CALCRL: variants seen among roughly 807,000 people sequenced by gnomAD.
CALCRL encodes calcitonin gene-related peptide type 1 receptor.
In CALCRL, 27 loss-of-function variants were observed where a neutral mutation model predicts 60.4. The observed-to-expected ratio is 0.45, with a 90% confidence interval of 0.33 to 0.62. The LOEUF (loss-of-function observed/expected upper bound fraction) is 0.62. Ranked by LOEUF, CALCRL falls within the 20% of genes least tolerant of loss-of-function variation. The probability of loss-of-function intolerance (pLI) is 0.03; values close to 1 mark genes in which losing one functional copy is unlikely to be tolerated. For missense variants in CALCRL, 424 were observed against 540.7 expected (o/e 0.78, Z 2.14); for synonymous variants, 190 against 182.6 (o/e 1.04, Z -0.33).
intron 1 of CALCRL, among the ~76,000 whole-genome samples, chr2:187,405,960 GGTGTGTGT>G (rs3079520): frequency 7.1e-4 from 104 of 146,708 alleles, no homozygotes; most frequent in Middle Eastern, 6.9e-3. Context: ...TGTATGTAGG[GGTGTGTGT>G]GTGTGTGTGT....
intron 3 of CALCRL, 118 bp from the exon 4 acceptor site, chr2:187,385,749 AT>A: frequency 1.6e-6 from 1 of 639,482 alleles, no homozygotes; most frequent in Non-Finnish European, 2.7e-6. Context: ...TACTTTAAAG[AT>A]TTGATAAATC....
In CALCRL at chr2:187,344,911, T is replaced by C. The variant is rs1686216074; in HGVS notation, c.*1273A>G. ...TCTGGATTAGAATGTGAGTTCATTGTCAAAATGAAAAAAGAAATATGTCAA... is the reference window on the plus strand; with the variant it reads ...TCTGGATTAGAATGTGAGTTCATTGCCAAAATGAAAAAAGAAATATGTCAA... On this transcript the variant is annotated 3_prime_UTR_variant, in exon 15 of 15. Transcript: ENST00000392370. 6.6e-6 allele frequency: 1 copy of C among 151,664 alleles called. No homozygotes were observed. The highest frequency in any genetic ancestry group is 2.4e-5 in the African/African-American group (1 of 41,374). The allele number at this position is 151,664 out of a possible 1,614,324, so 9.4% of individuals were successfully genotyped here. A position where few individuals can be genotyped will look rare whatever the true frequency, so the allele number is the denominator to read the frequency against.
At chr2:187,377,819 G>A (rs77103700) in intron 8 of CALCRL, among the ~76,000 whole-genome samples, 1,949 of 152,036 alleles carry the variant, frequency 0.013, 45 homozygotes, top group African/African-American at 0.043. Context: ...CATATAAAGT[G>A]CTAATGATAA....
In CALCRL at chr2:187,427,312, A is replaced by G. The variant is rs928280788; in HGVS notation, c.-293+20727T>C. On this transcript the variant is annotated intron_variant, in intron 1 of 14. Transcript: ENST00000392370. ...TATGTGGTAAGGGTATGGATAACTC[A>G]CTTCATAGGTCCTTGGTCTAGGGAA... Among the ~76,000 whole-genome samples, 13 of 152,188 alleles carry G rather than the reference A, an allele frequency of 8.5e-5. 1 individual carries two copies. Among genetic ancestry groups the G allele is most frequent in the African/African-American group, 2.4e-5 (1 of 41,454 alleles).
Position 187,346,116 on chromosome 2 carries a change from C to T in CALCRL, c.*68G>A. 1.1e-6 allele frequency: 1 copy of T among 939,206 alleles called. No individual in the cohort carries two copies. 58.2% of individuals were successfully genotyped at this position (939,206 alleles called of 1,614,324 possible). On this transcript the variant is annotated 3_prime_UTR_variant, in exon 15 of 15. Transcript: ENST00000392370. ...ATTTAATATTGAAGTCTTCTGGCTA[C>T]AGAGTCATGGGTCCAAGTCCTTGAG...
rs144377630 is a variant in CALCRL, at chr2:187,393,221, G to C, written c.-292-5465C>G. ...AAAATGGCCAGGCCCCACAAAGGAC[G>C]CTCTGGAACAGAACCTTTTGGAGAA... On this transcript the variant is annotated intron_variant, in intron 1 of 14. Transcript: ENST00000392370. 4.6e-5 allele frequency among the ~76,000 whole-genome samples: 7 copies of C among 152,146 alleles called. No individual in the cohort carries two copies. In the East Asian group the frequency reaches 1.4e-3, roughly 29 times the overall value.
chr2:187,410,167 T>C (rs1395552640), intron 1 of CALCRL, among the ~76,000 whole-genome samples: 4 of 151,942 alleles, frequency 2.6e-5, no homozygotes, highest in Non-Finnish European at 4.4e-5. Flanking sequence ...AGTCAGAAAA[T>C]GGGGTATAGT....
At chr2:187,434,991 T>C (rs1690570449) in intron 1 of CALCRL, among the ~76,000 whole-genome samples, 1 of 152,074 alleles carries the variant, frequency 6.6e-6, no homozygotes. Flanking sequence ...AGGATAAAGG[T>C]TTACTTCTGA....
chr2:187,377,364 G>A (rs913379477), intron 8 of CALCRL, among the ~76,000 whole-genome samples: 2 of 152,076 alleles, frequency 1.3e-5, no homozygotes, highest in Non-Finnish European at 2.9e-5. Context: ...TAAGGAAAGA[G>A]TGACAGAGAA....
chr2:187,424,263 T>A (rs906250259), intron 1 of CALCRL, among the ~76,000 whole-genome samples: 1 of 152,026 alleles, frequency 6.6e-6, no homozygotes, highest in Non-Finnish European at 1.5e-5. Flanking sequence ...TTGGCAGGAA[T>A]GTTTTAGATT....
In CALCRL at chr2:187,342,266, G is replaced by T. The variant is rs1686119642; in HGVS notation, c.*3918C>A. On this transcript the variant is annotated 3_prime_UTR_variant, in exon 15 of 15. Transcript: ENST00000392370. ...AGAGATAGAGGGATAGAGAAGTGAT[G>T]GCTAAAGGATACACTGTTTCTTCTC... Among the ~76,000 whole-genome samples, 1 of 151,690 alleles carries T rather than the reference G, an allele frequency of 6.6e-6. No individual in the cohort carries two copies. The highest frequency in any genetic ancestry group is 1.5e-5 in the Non-Finnish European group (1 of 67,716).
chr2:187,416,852 A>G (rs1689633954), intron 1 of CALCRL, among the ~76,000 whole-genome samples: 1 of 152,108 alleles, frequency 6.6e-6, no homozygotes, highest in Non-Finnish European at 1.5e-5. Flanking sequence ...AAGACCTATA[A>G]TCAGGCATAA....
intron 12 of CALCRL, among the ~76,000 whole-genome samples, chr2:187,354,176 A>C (rs1020395573): frequency 6.6e-6 from 1 of 152,056 alleles, no homozygotes; most frequent in Non-Finnish European, 1.5e-5. Flanking sequence ...GTAGAAAAGA[A>C]GAAACCTTTA....
intron 1 of CALCRL, among the ~76,000 whole-genome samples, chr2:187,431,843 T>A (rs776776474): frequency 2.0e-5 from 3 of 150,984 alleles, no homozygotes; most frequent in Non-Finnish European, 4.4e-5. Context: ...TAAGGGAGAA[T>A]AGGGAGAAAT....
Position 187,345,969 on chromosome 2 carries a change from T to G in CALCRL, c.*215A>C, listed in dbSNP as rs1341346316. 6.9e-6 allele frequency: 3 copies of G among 432,872 alleles called. No homozygotes were observed. The highest frequency in any genetic ancestry group is 7.7e-5 in the South Asian group (2 of 25,978). 26.8% of individuals were successfully genotyped at this position (432,872 alleles called of 1,614,324 possible). A position where few individuals can be genotyped will look rare whatever the true frequency, so the allele number is the denominator to read the frequency against. On this transcript the variant is annotated 3_prime_UTR_variant, in exon 15 of 15. Transcript: ENST00000392370. ...AGCGTCACATCAGGCATAGTGGGAG[T>G]ATTTACTGACAAACATTACAAACCA...
intron 14 of CALCRL, among the ~76,000 whole-genome samples, chr2:187,351,284 CAAAA>C (rs59030457): frequency 0.027 from 3,078 of 116,140 alleles, 1,442 homozygotes; most frequent in Middle Eastern, 0.077. Context: ...GACTCCGTCT[CAAAA>C]AAAAAAAAAA....
At chr2:187,436,434 C>A (rs1374467162) in intron 1 of CALCRL, among the ~76,000 whole-genome samples, 1 of 152,148 alleles carries the variant, frequency 6.6e-6, no homozygotes, top group Non-Finnish European at 1.5e-5. Context: ...GATTTTATGA[C>A]CCCTCCACTT....
At chr2:187,404,703 G>GA (rs1027210220) in intron 1 of CALCRL, among the ~76,000 whole-genome samples, 110 of 141,246 alleles carry the variant, frequency 7.8e-4, no homozygotes, top group African/African-American at 2.1e-3. Context: ...AATCTCAAAA[G>GA]AAAAAAAAAA....
intron 12 of CALCRL, among the ~76,000 whole-genome samples, chr2:187,354,098 AAAG>A (rs1200402868): frequency 2.0e-5 from 3 of 152,050 alleles, no homozygotes; most frequent in Admixed American, 1.3e-4. Flanking sequence ...AGCAAAAATA[AAAG>A]AAGAATTTTA....
Sources: allele counts gnomAD v4.1 joint callset (sites outside exome capture counted in the v4.1 genomes callset), GRCh38; gene constraint gnomAD v4.1.1; transcripts MANE v1.5; gene names NCBI Gene and HGNC (gene_info 2026-07-23, HGNC 2026-07-21).